Variants in SLC24A2 observed in about 807,000 individuals in gnomAD.
SLC24A2 encodes the protein solute carrier family 24 member 2, also known as sodium/potassium/calcium exchanger 2.
Under a neutral mutation model 62.0 loss-of-function variants are expected in SLC24A2, and 36 were observed. The observed-to-expected ratio is 0.58, with a 90% CI of 0.44 to 0.77. The LOEUF (loss-of-function observed/expected upper bound fraction) is 0.77. Among genes scored for constraint, SLC24A2 ranks in the 30% least tolerant of loss-of-function variants. The pLI is 0.00. For synonymous variants in SLC24A2, 358 were observed against 294.0 expected, an observed-to-expected ratio of 1.22 and a Z score of -2.23; for missense variants, 846 against 817.9, an observed-to-expected ratio of 1.03 and a Z score of -0.42.
At chr9:20,281,409 T>C in the SLC24A2 span, among the ~76,000 whole-genome samples, 18 of 152,332 alleles carry the variant, frequency 1.2e-4, no homozygotes, top group South Asian at 3.7e-3. Context: ...AACACAATCA[T>C]GTAACCAGCA....
intron 2 of SLC24A2, among the ~76,000 whole-genome samples, chr9:19,774,436 C>T (rs767910864): frequency 7.2e-5 from 11 of 152,154 alleles, no homozygotes; most frequent in Non-Finnish European, 1.3e-4. Context: ...TAGCCATCAT[C>T]GGCCGTCTCG....
At chr9:20,201,530 G>C in the SLC24A2 span, among the ~76,000 whole-genome samples, 3 of 152,168 alleles carry the variant, frequency 2.0e-5, no homozygotes, top group South Asian at 2.1e-4. Context: ...GAGAGATTGA[G>C]GAAGAAAAGA....
intron 2 of SLC24A2, among the ~76,000 whole-genome samples, chr9:19,757,832 T>G (rs1042449838): frequency 6.6e-6 from 1 of 152,094 alleles, no homozygotes; most frequent in Non-Finnish European, 1.5e-5. Flanking sequence ...ATACTCTTGG[T>G]AGTGAGTTCT....
the SLC24A2 span, among the ~76,000 whole-genome samples, chr9:19,960,080 T>TC: frequency 6.6e-6 from 1 of 152,220 alleles, no homozygotes; most frequent in Admixed American, 6.5e-5. Flanking sequence ...GGATAAGCTA[T>TC]TGGCAGTGAC....
intron 2 of SLC24A2, among the ~76,000 whole-genome samples, chr9:19,655,967 C>T (rs988632012): frequency 3.3e-5 from 5 of 152,130 alleles, no homozygotes; most frequent in Middle Eastern, 3.2e-3. Flanking sequence ...GAAAAATGAT[C>T]ACAGGTAGTC....
At chr9:20,225,470 T>C in the SLC24A2 span, among the ~76,000 whole-genome samples, 1 of 144,102 alleles carries the variant, frequency 6.9e-6, no homozygotes, top group Non-Finnish European at 1.5e-5. Flanking sequence ...CTTTATAATT[T>C]TTCTAAGAAA....
At chr9:20,029,824 CTGTG>C in the SLC24A2 span, among the ~76,000 whole-genome samples, 5 of 149,970 alleles carry the variant, frequency 3.3e-5, no homozygotes, top group Admixed American at 3.3e-4. Flanking sequence ...GTGTGTGTGT[CTGTG>C]TGTGTGTATG....
At chr9:20,011,952 T>A in the SLC24A2 span, among the ~76,000 whole-genome samples, 1 of 152,124 alleles carries the variant, frequency 6.6e-6, no homozygotes, top group East Asian at 1.9e-4. Context: ...TATGATCACC[T>A]CAATAGATGC....
chr9:19,850,998 TATACACATAC>T, the SLC24A2 span, among the ~76,000 whole-genome samples: 1 of 48,892 alleles, frequency 2.0e-5, no homozygotes, highest in Non-Finnish European at 4.8e-5. Context: ...TATATATATA[TATACACATAC>T]ATATATATAT....
At position 19,511,862 on chromosome 9, in the gene SLC24A2, C is replaced by T. The variant is rs1460091220; in HGVS notation, c.*4291G>A. 1.3e-5 allele frequency: 2 copies of T among 152,282 alleles called. No homozygotes were observed. The highest frequency in any genetic ancestry group is 4.8e-5 in the African/African-American group (2 of 41,454). 9.4% of individuals were successfully genotyped at this position (152,282 alleles called of 1,614,324 possible). The stretch of plus-strand genomic sequence containing the variant: ...CAAGGAGGCATAGCATCCACATAAT[C>T]TCGCGTGTGTGTGGGGGTGTGGGTG... On this transcript the variant is annotated 3_prime_UTR_variant, in exon 11 of 11. Transcript: ENST00000341998.
chr9:19,802,608 A>G, the SLC24A2 span, among the ~76,000 whole-genome samples: 1 of 152,208 alleles, frequency 6.6e-6, no homozygotes, highest in Admixed American at 6.5e-5. Context: ...CTTGGTTTAA[A>G]CAAAGGAGAC....
intron 2 of SLC24A2, among the ~76,000 whole-genome samples, chr9:19,690,906 T>G (rs1356251488): frequency 7.3e-6 from 1 of 137,726 alleles, no homozygotes; most frequent in Non-Finnish European, 1.6e-5. Context: ...AGGCGTATTG[T>G]GTGTGTGCGT....
chr9:19,609,817 A>C (rs905014596), intron 4 of SLC24A2, among the ~76,000 whole-genome samples: 11 of 152,132 alleles, frequency 7.2e-5, no homozygotes, highest in African/African-American at 2.7e-4. Flanking sequence ...TTCAGGATGA[A>C]ACTGTTCCAC....
the SLC24A2 span, among the ~76,000 whole-genome samples, chr9:20,034,483 G>A: frequency 3.7e-3 from 463 of 125,802 alleles, 5 homozygotes; most frequent in African/African-American, 0.013. Flanking sequence ...TTTTTGAGAC[G>A]GAGTCTCTCT....
the SLC24A2 span, among the ~76,000 whole-genome samples, chr9:19,829,254 T>G: frequency 2.6e-5 from 4 of 152,258 alleles, no homozygotes; most frequent in East Asian, 7.7e-4. Flanking sequence ...GTCCATAGGG[T>G]GCACTTGCAA....
chr9:20,141,579 T>A, the SLC24A2 span, among the ~76,000 whole-genome samples: 2 of 151,760 alleles, frequency 1.3e-5, no homozygotes, highest in African/African-American at 4.8e-5. Flanking sequence ...GATATTCTGA[T>A]CATTCTATAA....
chr9:20,087,249 T>C, the SLC24A2 span, among the ~76,000 whole-genome samples: 1 of 152,224 alleles, frequency 6.6e-6, no homozygotes, highest in Non-Finnish European at 1.5e-5. Context: ...CCAGACATTG[T>C]TCTAAACCCT....
chr9:20,159,937 T>C, the SLC24A2 span, among the ~76,000 whole-genome samples: 2 of 151,574 alleles, frequency 1.3e-5, no homozygotes, highest in Non-Finnish European at 3.0e-5. Context: ...TGACAATTGA[T>C]ACAGAAATAT....
the SLC24A2 span, among the ~76,000 whole-genome samples, chr9:20,069,908 A>T: frequency 6.6e-6 from 1 of 152,190 alleles, no homozygotes; most frequent in African/African-American, 2.4e-5. Context: ...ACTTCCTAGT[A>T]TGTGTTCAGA....
Sources: gnomAD v4.1 joint callset for allele counts (sites outside exome capture counted in the v4.1 genomes callset) on GRCh38, gnomAD v4.1.1 for gene constraint, MANE v1.5 for transcripts, NCBI Gene and HGNC (gene_info 2026-07-23, HGNC 2026-07-21) for gene names.